The following CARMIL1 variants were observed in gnomAD, a reference collection of about 807,000 sequenced individuals.
CARMIL1 encodes the protein F-actin-uncapping protein LRRC16A.
Under a neutral mutation model 177.1 loss-of-function variants are expected in CARMIL1, and 90 were observed. That is an observed-to-expected ratio of 0.51 (90% CI 0.43 to 0.61). The LOEUF is 0.61. Among genes scored for constraint, CARMIL1 ranks in the 20% least tolerant of loss-of-function variants. The pLI is 0.00. For missense variants in CARMIL1, 1,380 were observed against 1,667.0 expected (o/e 0.83, Z 3.00); for synonymous variants, 577 against 606.2 (o/e 0.95, Z 0.71).
chr6:25,414,792 A>ACT (rs1229788146), intron 2 of CARMIL1, among the ~76,000 whole-genome samples: 2 of 151,950 alleles, frequency 1.3e-5, no homozygotes, highest in Non-Finnish European at 2.9e-5. Flanking sequence ...TTTTCTGTGA[A>ACT]CTCTCTGTGT....
At chr6:25,379,793 G>C (rs1389369600) in intron 2 of CARMIL1, among the ~76,000 whole-genome samples, 1 of 152,042 alleles carries the variant, frequency 6.6e-6, no homozygotes, top group Non-Finnish European at 1.5e-5. Context: ...AAACCAAAAG[G>C]CTCACTTGCT....
chr6:25,617,539 AT>A (rs1330758397), intron 36 of CARMIL1, among the ~76,000 whole-genome samples: 5 of 152,214 alleles, frequency 3.3e-5, no homozygotes, highest in African/African-American at 1.2e-4. Context: ...TTTTTGAGTA[AT>A]TTAATATAGA....
intron 2 of CARMIL1, among the ~76,000 whole-genome samples, chr6:25,333,957 A>G (rs1435308891): frequency 6.6e-6 from 1 of 152,236 alleles, no homozygotes; most frequent in Non-Finnish European, 1.5e-5. Context: ...CACCAATGAT[A>G]AGTTTCATGA....
At chr6:25,497,668 C>T (rs115103442) in intron 16 of CARMIL1, among the ~76,000 whole-genome samples, 4,413 of 152,238 alleles carry the variant, frequency 0.029, 95 homozygotes, top group Middle Eastern at 0.093. Flanking sequence ...CTGCAGAAAC[C>T]CTTGTTTCTC....
chr6:25,459,262 C>CTT (rs1239364061), intron 8 of CARMIL1, among the ~76,000 whole-genome samples: 11 of 101,432 alleles, frequency 1.1e-4, no homozygotes, highest in African/African-American at 8.9e-5. Flanking sequence ...TTCTTTCTTT[C>CTT]TTTCTTTTTT....
At chr6:25,366,115 C>T (rs1789766606) in intron 2 of CARMIL1, among the ~76,000 whole-genome samples, 1 of 151,840 alleles carries the variant, frequency 6.6e-6, no homozygotes, top group Non-Finnish European at 1.5e-5. Context: ...ATTTCAGCCT[C>T]CCAAATAGCT....
At chr6:25,437,648 C>G (rs1797349234) in intron 5 of CARMIL1, among the ~76,000 whole-genome samples, 1 of 152,194 alleles carries the variant, frequency 6.6e-6, no homozygotes, top group African/African-American at 2.4e-5. Context: ...CAGTATGTCC[C>G]ACACTGGACT....
intron 2 of CARMIL1, among the ~76,000 whole-genome samples, chr6:25,362,685 C>G (rs1789346161): frequency 6.6e-6 from 1 of 151,820 alleles, no homozygotes; most frequent in Admixed American, 6.6e-5. Flanking sequence ...CAAAACAAAA[C>G]AAAACAAAAA....
At chr6:25,325,533 C>G (rs1173413896) in intron 2 of CARMIL1, among the ~76,000 whole-genome samples, 1 of 152,078 alleles carries the variant, frequency 6.6e-6, no homozygotes, top group East Asian at 1.9e-4. Flanking sequence ...AGATAATTTG[C>G]TTGGCTTAAA....
intron 26 of CARMIL1, among the ~76,000 whole-genome samples, chr6:25,541,617 T>C (rs1034409535): frequency 1.3e-5 from 2 of 152,322 alleles, no homozygotes; most frequent in Admixed American, 6.5e-5. Context: ...AACCTTTTAA[T>C]ATTTTTCAAT....
chr6:25,495,708 C>G (rs959606570), intron 16 of CARMIL1, among the ~76,000 whole-genome samples: 1 of 152,114 alleles, frequency 6.6e-6, no homozygotes, highest in African/African-American at 2.4e-5. Context: ...CTATTTGGCA[C>G]TTTTATTTGG....
chr6:25,340,185 T>A (rs184669304), intron 2 of CARMIL1, among the ~76,000 whole-genome samples: 1 of 122,114 alleles, frequency 8.2e-6, no homozygotes, highest in Non-Finnish European at 1.7e-5. Flanking sequence ...AATCTGACCT[T>A]CTCCCCAATT....
At chr6:25,344,182 A>G (rs1787253895) in intron 2 of CARMIL1, among the ~76,000 whole-genome samples, 1 of 151,206 alleles carries the variant, frequency 6.6e-6, no homozygotes, top group South Asian at 2.1e-4. Flanking sequence ...GAAACATCCC[A>G]CTCTTATCAC....
chr6:25,528,546 T>A (rs1582255739), intron 23 of CARMIL1, among the ~76,000 whole-genome samples: 1 of 152,212 alleles, frequency 6.6e-6, no homozygotes. Context: ...AGCTTGCTTA[T>A]CTTTTTCAAC....
intron 4 of CARMIL1, among the ~76,000 whole-genome samples, chr6:25,431,095 A>G (rs1254616794): frequency 6.6e-6 from 1 of 152,186 alleles, no homozygotes; most frequent in Non-Finnish European, 1.5e-5. Context: ...TACATGTGCC[A>G]TGCTGGTGCG....
intron 2 of CARMIL1, among the ~76,000 whole-genome samples, chr6:25,367,449 G>A (rs1233713726): frequency 6.6e-6 from 1 of 152,056 alleles, no homozygotes; most frequent in African/African-American, 2.4e-5. Context: ...CAGGAAGTGT[G>A]GGGGTTGCTG....
At chr6:25,569,724 T>C (rs1811890189) in intron 29 of CARMIL1, among the ~76,000 whole-genome samples, 1 of 152,236 alleles carries the variant, frequency 6.6e-6, no homozygotes, top group Non-Finnish European at 1.5e-5. Flanking sequence ...ATTATTCATC[T>C]TGATGTCACT....
intron 2 of CARMIL1, among the ~76,000 whole-genome samples, chr6:25,351,677 A>G (rs1185835816): frequency 6.6e-6 from 1 of 152,204 alleles, no homozygotes; most frequent in Non-Finnish European, 1.5e-5. Flanking sequence ...CTTGAAGTCA[A>G]ACAGTTGCTA....
At chr6:25,557,586 A>G (rs1318344779) in intron 29 of CARMIL1, among the ~76,000 whole-genome samples, 2 of 152,146 alleles carry the variant, frequency 1.3e-5, no homozygotes, top group African/African-American at 4.8e-5. Flanking sequence ...ATGTCTTACA[A>G]AATGTTTACT....
Sources: allele counts gnomAD v4.1 joint callset (sites outside exome capture counted in the v4.1 genomes callset), GRCh38; gene constraint gnomAD v4.1.1; transcripts MANE v1.5; gene names NCBI Gene and HGNC (gene_info 2026-07-23, HGNC 2026-07-21).